The following GFPT2 variants were observed in gnomAD, a reference collection of about 807,000 sequenced individuals.
The protein encoded by GFPT2 is glutamine--fructose-6-phosphate transaminase 2, also known as glutamine--fructose-6-phosphate aminotransferase [isomerizing] 2.
GFPT2 carries 62 observed loss-of-function variants against 85.6 expected under a neutral mutation model. The observed-to-expected ratio is 0.72, with a 90% CI of 0.59 to 0.90. GFPT2 has a LOEUF of 0.90. GFPT2 is among the 40% of genes least tolerant of loss of function. The pLI, the probability that GFPT2 is intolerant of heterozygous loss-of-function variation, is 0.00. For synonymous variants in GFPT2, 368 were observed against 344.5 expected, an observed-to-expected ratio of 1.07 and a Z score of -0.75; for missense variants, 788 against 893.4, an observed-to-expected ratio of 0.88 and a Z score of 1.50.
Position 180,302,427 on chromosome 5 carries a change from T to C in GFPT2, c.2000A>G (p.Tyr667Cys), listed in dbSNP as rs1291745303. Residue 667 changes from tyrosine (Y) to cysteine (C), a missense_variant, in exon 18 of 19, where the codon TAT becomes TGT. Tyr to Cys is a radical substitution (Grantham distance 194, BLOSUM62 -2). Transcript: ENST00000253778. ...AGGTGCAGTTTTTAGACGCACGTCA[T>C]ATCCTCGGAGAACAGCCAGGTGGAA... ...LSFHLAVLRG[Y>C]DVDFPRNLAK... 5.0e-6 allele frequency: 8 copies of C among 1,613,158 alleles called. No individual in the cohort carries two copies. The highest frequency in any genetic ancestry group is 5.9e-6 in the Non-Finnish European group (7 of 1,179,658).
chr5:180,353,264 T>G lies in GFPT2; in HGVS notation c.-47A>C, dbSNP rs1764753549. On this transcript the variant is annotated 5_prime_UTR_variant, in exon 1 of 19. Coordinates refer to ENST00000253778, the MANE Select transcript of GFPT2 (RefSeq NM_005110.4). ...TTCGCGGCTCGAGGGGGTCTGCCCG[T>G]TCGGACGCTGGGGCTCCTCCGTGGG... 1 of 1,238,444 alleles carries G rather than the reference T, an allele frequency of 8.1e-7. No homozygotes were observed. Among genetic ancestry groups the G allele is most frequent in the African/African-American group, 1.6e-5 (1 of 64,200 alleles). 76.7% of individuals were successfully genotyped at this position (1,238,444 alleles called of 1,614,324 possible). A position where few individuals can be genotyped will look rare whatever the true frequency, so the allele number is the denominator to read the frequency against.
Position 180,313,810 on chromosome 5 carries a change from G to A in GFPT2, c.1428C>T (p.Thr476=). ...NAGPEIGVAS[T]KAYTSQFISL... ...GGGCGCCCGTGGCTCCTCCTACCTT[G>A]GTGCTGGCCACGCCGATCTCCGGCC... The change falls in exon 14 of 19, where the codon ACC becomes ACT. Residue 476 remains threonine (T), a synonymous_variant. Transcript: ENST00000253778. 1 of 1,553,810 alleles carries A rather than the reference G, an allele frequency of 6.4e-7. No individual in the cohort carries two copies.
At position 180,318,245 on chromosome 5, in the gene GFPT2, G is replaced by A. The variant is rs1182207417; in HGVS notation, c.958+548C>T. Among the ~76,000 whole-genome samples the A allele has an allele frequency of 2.0e-5, 3 of 152,118 alleles. No homozygotes were observed. Among genetic ancestry groups the A allele is most frequent in the Admixed American group, 6.5e-5 (1 of 15,286 alleles). ...GGCCCCACTGGGGTGTGGGGTTTGT[G>A]GGCTGTGGCAGGGAGTTTGGATTTT... is the stretch of plus-strand genomic sequence containing the variant. On this transcript the variant is annotated intron_variant, in intron 10 of 18. Coordinates refer to ENST00000253778, the MANE Select transcript of GFPT2 (RefSeq NM_005110.4). This position sits in a 1 kb window ranked among gnomAD's most constrained non-coding sequence, Gnocchi z 4.2.
intron 1 of GFPT2, among the ~76,000 whole-genome samples, chr5:180,339,455 A>G (rs1764467987): frequency 6.6e-6 from 1 of 151,766 alleles, no homozygotes; most frequent in Admixed American, 6.6e-5. Flanking sequence ...TGGCCCCTGC[A>G]GAATCCTTAT....
Position 180,336,495 on chromosome 5 carries a change from G to C in GFPT2, c.198C>G (p.Leu66=). ...TCCACTTACTGTAAAGTTCTTCATC[G>C]AGAGCCTTGACTTTCCCCCTTTTCT... ...LVKKRGKVKA[L]DEELYKQDSM... Residue 66 remains leucine (L), a synonymous_variant, in exon 3 of 19, where the codon CTC becomes CTG. Coordinates refer to ENST00000253778, the MANE Select transcript of GFPT2 (RefSeq NM_005110.4). The C allele has an allele frequency of 6.3e-7, 1 of 1,598,698 alleles. No homozygotes were observed. Among genetic ancestry groups the C allele is most frequent in the Non-Finnish European group, 8.6e-7 (1 of 1,165,944 alleles).
At position 180,347,139 on chromosome 5, in the gene GFPT2, G is replaced by A. The variant is rs1032123803; in HGVS notation, c.7+6072C>T. Reference sequence around the variant, plus strand: ...CTTCAGGTTCCCAAGAGCCTGCAGAGGGTTGGGATTGAGAGGCCAGGAGAG... The same window carrying A: ...CTTCAGGTTCCCAAGAGCCTGCAGAAGGTTGGGATTGAGAGGCCAGGAGAG... On this transcript the variant is annotated intron_variant, in intron 1 of 18. Coordinates refer to ENST00000253778, the MANE Select transcript of GFPT2 (RefSeq NM_005110.4). Among the ~76,000 whole-genome samples, 4 of 152,364 alleles carry A rather than the reference G, an allele frequency of 2.6e-5. No homozygotes were observed. The East Asian group carries it at 5.8e-4, about 22-fold the overall frequency.
chr5:180,312,361 G>A (rs908371624), intron 15 of GFPT2, 69 bp downstream of exon 15: 1 of 842,000 alleles, frequency 1.2e-6, no homozygotes, highest in Admixed American at 1.7e-5. Flanking sequence ...ACAGGTGAGA[G>A]TCAACAGAGA....
rs1000510896 is a variant in GFPT2 at position 180,301,677 on chromosome 5, T to C, written c.2005-69A>G. ...GCAACATGCTACCTCTCACAGACAA[T>C]TTTCAGAGTACTTAAAAACAAGAGA... On this transcript the variant is annotated intron_variant, in intron 18 of 18. Coordinates refer to ENST00000253778, the MANE Select transcript of GFPT2 (RefSeq NM_005110.4). The C allele has an allele frequency of 1.2e-5, 15 of 1,267,774 alleles. 1 individual carries two copies. The African/African-American group carries it at 1.8e-4, about 15-fold the overall frequency. 78.5% of individuals were successfully genotyped at this position (1,267,774 alleles called of 1,614,324 possible). A position where few individuals can be genotyped will look rare whatever the true frequency, so the allele number is the denominator to read the frequency against.
chr5:180,315,952 C>A lies in GFPT2; in HGVS notation c.1273+389G>T, dbSNP rs565993808. Among the ~76,000 whole-genome samples, 4 of 152,368 alleles carry A rather than the reference C, an allele frequency of 2.6e-5. No individual in the cohort carries two copies. The South Asian group carries it at 8.3e-4, about 32-fold the overall frequency. On this transcript the variant is annotated intron_variant, in intron 13 of 18. Coordinates refer to ENST00000253778, the MANE Select transcript of GFPT2 (RefSeq NM_005110.4). ...GGCACAGAGCCCATACTGGGTCCTC[C>A]ACGTGACTCTCAACCTAACAAAATG...
At chr5:180,311,862 G>A (rs569971759) in intron 15 of GFPT2, among the ~76,000 whole-genome samples, 2 of 152,218 alleles carry the variant, frequency 1.3e-5, no homozygotes, top group South Asian at 2.1e-4. Flanking sequence ...AGAAGCTGTC[G>A]GCTGTATGCA....
Position 180,301,400 on chromosome 5 carries a change from G to A in GFPT2, c.*164C>T, listed in dbSNP as rs1763669322. ...AGGACACAGAGAAACAGTATCTGCT[G>A]TAAGCAAAAGCACTTGGGTAGAAGG... On this transcript the variant is annotated 3_prime_UTR_variant, in exon 19 of 19. Coordinates refer to ENST00000253778, the MANE Select transcript of GFPT2 (RefSeq NM_005110.4). 1 of 670,468 alleles carries A rather than the reference G, an allele frequency of 1.5e-6. No individual in the cohort carries two copies. Among genetic ancestry groups the A allele is most frequent in the Non-Finnish European group, 2.7e-6 (1 of 369,706 alleles). The allele number at this position is 670,468 out of a possible 1,614,324, so 41.5% of individuals were successfully genotyped here.
In GFPT2 at chr5:180,352,905, G is replaced by A. The variant is rs574440693; in HGVS notation, c.7+306C>T. 7 of 452,542 alleles carry A rather than the reference G, an allele frequency of 1.5e-5. No homozygotes were observed. The South Asian group carries it at 2.1e-4, about 14-fold the overall frequency. 28.0% of individuals were successfully genotyped at this position (452,542 alleles called of 1,614,324 possible). The stretch of plus-strand genomic sequence containing the variant: ...GGGGTGGGGACCCCTCTGTTACGGG[G>A]TCCAGGCCGGACCGGACCAGGTCCC... On this transcript the variant is annotated intron_variant, in intron 1 of 18. Transcript: ENST00000253778.
Position 180,353,200 on chromosome 5 carries a change from G to T in GFPT2, c.7+11C>A. The T allele has an allele frequency of 8.1e-7, 1 of 1,236,900 alleles. No individual in the cohort carries two copies. 76.6% of individuals were successfully genotyped at this position (1,236,900 alleles called of 1,614,324 possible). A position where few individuals can be genotyped will look rare whatever the true frequency, so the allele number is the denominator to read the frequency against. On this transcript the variant is annotated intron_variant, in intron 1 of 18. Transcript: ENST00000253778. The stretch of plus-strand genomic sequence containing the variant: ...CGTGGAGGAGGCGGCTCGGGCGGGC[G>T]CGGCACTCACCGCACATCGTGGCTG...
Position 180,320,490 on chromosome 5 carries a change from C to T in GFPT2, c.795-1534G>A, listed in dbSNP as rs1193107177. Among the ~76,000 whole-genome samples the T allele has an allele frequency of 4.6e-5, 7 of 152,168 alleles. No individual in the cohort carries two copies. In the East Asian group the frequency reaches 5.8e-4, roughly 13 times the overall value. On this transcript the variant is annotated intron_variant, in intron 9 of 18. Transcript: ENST00000253778. ...GAAGGACTACTGGAGAAAACACTCT[C>T]GGCCGGGAGCCCTGGCTCACACCTG...
In GFPT2 at chr5:180,335,868, A is replaced by G. The variant is rs764342930; in HGVS notation, c.300T>C (p.Ser100=). The change falls in exon 4 of 19, where the codon AGT becomes AGC. Residue 100 remains serine (S), a synonymous_variant. Transcript: ENST00000253778. ...HTRWATHGVP[S]AVNSHPQRSD... is the part of the protein sequence containing the mutation. ...AGCGCTGAGGGTGGCTGTTGACAGC[A>G]CTGGGGACCCCGTGGGTGGCCCAGC... 3 of 1,591,870 alleles carry G rather than the reference A, an allele frequency of 1.9e-6. No individual in the cohort carries two copies. Among genetic ancestry groups the G allele is most frequent in the Non-Finnish European group, 2.6e-6 (3 of 1,173,298 alleles).
At position 180,324,169 on chromosome 5, in the gene GFPT2, GAGA is replaced by G; in HGVS notation, c.794+16_794+18del. 7.6e-6 allele frequency: 10 copies of G among 1,316,590 alleles called. No individual in the cohort carries two copies. The highest frequency in any genetic ancestry group is 2.4e-5 in the South Asian group (2 of 83,620). The allele number at this position is 1,316,590 out of a possible 1,614,324, so 81.6% of individuals were successfully genotyped here. ...TGATTATGTAATCCCAGGAAGCGAA[GAGA>G]AGAAGGCTCAGTTACCTTGCATCAG... On this transcript the variant is annotated intron_variant, in intron 9 of 18. Transcript: ENST00000253778.
In GFPT2 at chr5:180,328,040, G is replaced by A. The variant is rs1381553322; in HGVS notation, c.596+237C>T. On this transcript the variant is annotated intron_variant, in intron 7 of 18. Coordinates refer to ENST00000253778, the MANE Select transcript of GFPT2 (RefSeq NM_005110.4). The surrounding 1 kb of genome is among the most constrained non-coding windows in gnomAD (Gnocchi z 5.4). ...TTGCCCACCTCTAAAAATCTGTGGA[G>A]ATTTCAAACACAAATCCAACTTTCT... 6.6e-6 allele frequency among the ~76,000 whole-genome samples: 1 copy of A among 151,452 alleles called. No individual in the cohort carries two copies. The highest frequency in any genetic ancestry group is 1.5e-5 in the Non-Finnish European group (1 of 67,908).
At chr5:180,341,795 C>T (rs2127656953) in intron 1 of GFPT2, among the ~76,000 whole-genome samples, 1 of 152,318 alleles carries the variant, frequency 6.6e-6, no homozygotes, top group East Asian at 1.9e-4. Context: ...AAAGTGTCCC[C>T]AGTGAGGGCC....
chr5:180,353,273 TG>T lies in GFPT2; in HGVS notation c.-57del. 1 of 1,234,412 alleles carries T rather than the reference TG, an allele frequency of 8.1e-7. No individual in the cohort carries two copies. The allele number at this position is 1,234,412 out of a possible 1,614,324, so 76.5% of individuals were successfully genotyped here. ...CGAGGGGGTCTGCCCGTTCGGACGC[TG>T]GGGCTCCTCCGTGGGCTCCTCCGTG... On this transcript the variant is annotated 5_prime_UTR_variant, in exon 1 of 19. Coordinates refer to ENST00000253778, the MANE Select transcript of GFPT2 (RefSeq NM_005110.4).
Sources: allele counts gnomAD v4.1 joint callset (sites outside exome capture counted in the v4.1 genomes callset), GRCh38; gene constraint gnomAD v4.1.1; non-coding constraint Gnocchi (gnomAD v3.1); transcripts MANE v1.5; gene names NCBI Gene and HGNC (gene_info 2026-07-23, HGNC 2026-07-21).